PYGB: variants seen among roughly 807,000 people sequenced by gnomAD.
PYGB encodes the protein glycogen phosphorylase B.
A neutral mutation model predicts 94.3 loss-of-function variants in PYGB; 82 were observed. That is an observed-to-expected ratio of 0.87 (90% CI 0.73 to 1.04). The LOEUF (loss-of-function observed/expected upper bound fraction) is 1.04, where lower values mean the gene tolerates loss of function less well. PYGB is among the 50% of genes least tolerant of loss of function. The probability of loss-of-function intolerance (pLI) is 0.00; values close to 1 mark genes in which losing one functional copy is unlikely to be tolerated. For missense variants in PYGB, 1,132 were observed against 1,158.2 expected (o/e 0.98, Z 0.33); for synonymous variants, 488 against 479.1 (o/e 1.02, Z -0.24).
At chr20:25,255,156 A>T (rs531003681) in intron 1 of PYGB, among the ~76,000 whole-genome samples, 1 of 152,330 alleles carries the variant, frequency 6.6e-6, no homozygotes, top group African/African-American at 2.4e-5. Flanking sequence ...CTTACAGCAG[A>T]TACAGTAGTG....
intron 4 of PYGB, among the ~76,000 whole-genome samples, chr20:25,272,439 T>A (rs947087419): frequency 4.6e-5 from 7 of 152,228 alleles, no homozygotes; most frequent in Non-Finnish European, 1.0e-4. Context: ...CGCAAGGAGC[T>A]GCTGTCCATG....
intron 4 of PYGB, among the ~76,000 whole-genome samples, chr20:25,273,680 C>T (rs368359065): frequency 6.6e-6 from 1 of 152,194 alleles, no homozygotes; most frequent in African/African-American, 2.4e-5. Flanking sequence ...TGTAGTTACT[C>T]GTCTCTAGTG....
chr20:25,264,533 C>G (rs1226415318), intron 2 of PYGB, among the ~76,000 whole-genome samples: 1 of 152,186 alleles, frequency 6.6e-6, no homozygotes, highest in Non-Finnish European at 1.5e-5. Flanking sequence ...ACCCCATCAT[C>G]TCAGCCCCAA....
chr20:25,281,134 G>A, intron 11 of PYGB, 22 bp downstream of exon 11: 1 of 1,613,072 alleles, frequency 6.2e-7, no homozygotes. Context: ...GCTTGCCCGA[G>A]CGGGGCCAGC....
rs141744524 is a variant in PYGB, at chr20:25,267,600, G to A, written c.346-1529G>A. On this transcript the variant is annotated intron_variant, in intron 2 of 19. Coordinates refer to ENST00000216962, the MANE Select transcript of PYGB (RefSeq NM_002862.4). ...GGCTGGAGTGCAATGATACGATCACGGCTCACTGTAGCCTCAACCTCCCGG... is the reference window on the plus strand; with the variant it reads ...GGCTGGAGTGCAATGATACGATCACAGCTCACTGTAGCCTCAACCTCCCGG... Among the ~76,000 whole-genome samples the A allele has an allele frequency of 2.9e-3, 442 of 152,180 alleles. 1 individual carries two copies. Among genetic ancestry groups the A allele is most frequent in the African/African-American group, 0.01 (417 of 41,506 alleles).
intron 1 of PYGB, among the ~76,000 whole-genome samples, chr20:25,255,202 G>GC (rs1205775290): frequency 1.3e-5 from 2 of 152,212 alleles, no homozygotes; most frequent in Middle Eastern, 3.2e-3. Flanking sequence ...CTCCCCAGAA[G>GC]CCCCCTCAGA....
chr20:25,269,079 A>G (rs1352793036), intron 2 of PYGB, 50 bp from the exon 3 acceptor site: 2 of 1,455,530 alleles, frequency 1.4e-6, no homozygotes, highest in Non-Finnish European at 1.9e-6. Context: ...CTGTCATTCA[A>G]GGGAAAATAT....
At position 25,290,631 on chromosome 20, in the gene PYGB, G is replaced by C; in HGVS notation, c.1969+9G>C. 6.3e-7 allele frequency: 1 copy of C among 1,593,408 alleles called. No homozygotes were observed. On this transcript the variant is annotated intron_variant, in intron 16 of 19. Transcript: ENST00000216962. Reference sequence around the variant, plus strand: ...GTCCTTGGCTGAGAAAGGTAACCCTGGAAGCCTGTGTTGGACAGAAAACTC... The same window carrying C: ...GTCCTTGGCTGAGAAAGGTAACCCTCGAAGCCTGTGTTGGACAGAAAACTC...
intron 2 of PYGB, among the ~76,000 whole-genome samples, chr20:25,267,065 G>A (rs2474768): frequency 0.024 from 3,663 of 152,270 alleles, 138 homozygotes; most frequent in African/African-American, 0.08. Flanking sequence ...ATTCATAACA[G>A]CCAAAAGTGG....
chr20:25,277,845 GCTTT>G (rs978453098), intron 7 of PYGB, among the ~76,000 whole-genome samples: 41 of 152,378 alleles, frequency 2.7e-4, no homozygotes, highest in African/African-American at 9.6e-4. Context: ...GTGCCCAGTG[GCTTT>G]CTTTTTGTTG....
chr20:25,283,952 C>A, intron 13 of PYGB, 152 bp from the exon 14 acceptor site: 1 of 845,762 alleles, frequency 1.2e-6, no homozygotes, highest in East Asian at 2.9e-5. Flanking sequence ...TGAGAAGACC[C>A]CTGGTGCAAT....
rs1179648552 is a variant in PYGB at position 25,297,896 on chromosome 20, A to C, written c.*1374A>C. ...TCCCCAGGCAGCGGCTCTGTGGAGG[A>C]GGCCATACTCCCCTAGTTGGCCACT... is the stretch of plus-strand genomic sequence containing the variant. On this transcript the variant is annotated 3_prime_UTR_variant, in exon 20 of 20. Coordinates refer to ENST00000216962, the MANE Select transcript of PYGB (RefSeq NM_002862.4). 1 of 152,320 alleles carries C rather than the reference A, an allele frequency of 6.6e-6. No homozygotes were observed. Among genetic ancestry groups the C allele is most frequent in the Non-Finnish European group, 1.5e-5 (1 of 68,124 alleles). 9.4% of individuals were successfully genotyped at this position (152,320 alleles called of 1,614,324 possible). A position where few individuals can be genotyped will look rare whatever the true frequency, so the allele number is the denominator to read the frequency against.
chr20:25,291,093 C>A (rs921829843), intron 16 of PYGB, among the ~76,000 whole-genome samples: 2 of 152,158 alleles, frequency 1.3e-5, no homozygotes. Context: ...GTTGTGGGCC[C>A]CCAGCTTCCC....
At chr20:25,273,680 C>G (rs368359065) in intron 4 of PYGB, among the ~76,000 whole-genome samples, 1 of 152,076 alleles carries the variant, frequency 6.6e-6, no homozygotes, top group Non-Finnish European at 1.5e-5. Context: ...TGTAGTTACT[C>G]GTCTCTAGTG....
At chr20:25,293,184 G>A (rs2088488495) in intron 17 of PYGB, among the ~76,000 whole-genome samples, 1 of 151,906 alleles carries the variant, frequency 6.6e-6, no homozygotes, top group Non-Finnish European at 1.5e-5. Flanking sequence ...GAGGGGAGGA[G>A]GGAATCCTGA....
Position 25,248,370 on chromosome 20 carries a change from C to T in PYGB, c.192C>T (p.Leu64=), listed in dbSNP as rs751691357. 7 of 1,594,766 alleles carry T rather than the reference C, an allele frequency of 4.4e-6. No homozygotes were observed. In the Admixed American group the frequency reaches 5.2e-5, roughly 12 times the overall value. The change falls in exon 1 of 20, where the codon CTC becomes CTT. Residue 64 remains leucine (L), a synonymous_variant. Coordinates refer to ENST00000216962, the MANE Select transcript of PYGB (RefSeq NM_002862.4). ...TGGCGCACACGGTGCGCGACCACCT[C>T]GTGGGCCGCTGGATCCGCACGCAGC... is the stretch of plus-strand genomic sequence containing the variant. ...FALAHTVRDH[L]VGRWIRTQQH...
intron 18 of PYGB, 92 bp downstream of exon 18, chr20:25,294,384 G>A (rs1451794012): frequency 1.4e-6 from 2 of 1,438,700 alleles, no homozygotes; most frequent in African/African-American, 1.4e-5. Context: ...TGTTTGGAGA[G>A]CAAAACCCGT....
intron 18 of PYGB, chr20:25,294,600 C>T: frequency 1.8e-6 from 1 of 541,140 alleles, no homozygotes; most frequent in Non-Finnish European, 3.3e-6. Flanking sequence ...CCAGGGGCAG[C>T]CGTGTCCCAG....
chr20:25,293,969 G>GGT, intron 17 of PYGB, 189 bp from the exon 18 acceptor site: 15 of 657,234 alleles, frequency 2.3e-5, no homozygotes, highest in South Asian at 5.7e-5. Context: ...TCACATCTCT[G>GGT]CTCGAGCAGG....
Sources: allele counts gnomAD v4.1 joint callset (sites outside exome capture counted in the v4.1 genomes callset), GRCh38; gene constraint gnomAD v4.1.1; transcripts MANE v1.5; gene names NCBI Gene and HGNC (gene_info 2026-07-23, HGNC 2026-07-21).